The following DCBLD1 variants were observed in gnomAD, a reference collection of about 807,000 sequenced individuals.
DCBLD1 encodes the protein discoidin, CUB and LCCL domain-containing protein 1.
A neutral mutation model predicts 71.5 loss-of-function variants in DCBLD1; 57 were observed. The ratio of observed to expected loss-of-function variants is 0.80; its 90% CI spans 0.64 to 0.99. The LOEUF (loss-of-function observed/expected upper bound fraction) is 0.99. DCBLD1 is among the 50% of genes least tolerant of loss of function. DCBLD1 has a pLI of 0.00. For missense variants in DCBLD1, 891 were observed against 923.5 expected (o/e 0.96, Z 0.46); for synonymous variants, 380 against 363.8 (o/e 1.04, Z -0.51).
chr6:117,501,789 T>C (rs1198855274), intron 1 of DCBLD1, among the ~76,000 whole-genome samples: 1 of 152,204 alleles, frequency 6.6e-6, no homozygotes, highest in Non-Finnish European at 1.5e-5. Flanking sequence ...TTCTTGGCAA[T>C]TTTGTGTTTA....
Position 117,503,799 on chromosome 6 carries a change from G to A in DCBLD1, c.145G>A (p.Asp49Asn). ...DGCGHLVTYQ[D>N]SGTMTSKNYP... is the part of the protein sequence containing the mutation. ...CTGTGGACACCTAGTGACTTATCAG[G>A]ATAGTGGCACAATGACATCTAAGAA... Residue 49 changes from aspartate to asparagine, a missense_variant, in exon 2 of 15, where the codon GAT becomes AAT. By Grantham distance (23) the Asp-to-Asn change is conservative (BLOSUM62 1). Coordinates refer to ENST00000338728, the MANE Select transcript of DCBLD1 (RefSeq NM_001366458.2). 3.7e-6 allele frequency: 6 copies of A among 1,613,986 alleles called. No homozygotes were observed. The highest frequency in any genetic ancestry group is 5.1e-6 in the Non-Finnish European group (6 of 1,179,974).
At chr6:117,515,634 C>T (rs1429581403) in intron 2 of DCBLD1, among the ~76,000 whole-genome samples, 1 of 152,162 alleles carries the variant, frequency 6.6e-6, no homozygotes, top group Admixed American at 6.5e-5. Context: ...TGCAAAAATG[C>T]TTATCATTCT....
intron 2 of DCBLD1, among the ~76,000 whole-genome samples, chr6:117,514,936 A>G (rs1004731997): frequency 1.3e-5 from 2 of 151,726 alleles, no homozygotes; most frequent in Non-Finnish European, 2.9e-5. Context: ...TTTCCTTTCA[A>G]CTGTTTCATA....
chr6:117,524,197 C>A (rs1237872308), intron 4 of DCBLD1, among the ~76,000 whole-genome samples: 1 of 151,436 alleles, frequency 6.6e-6, no homozygotes. Flanking sequence ...AAATTGAATC[C>A]TAATTTTTTT....
At chr6:117,493,203 A>G (rs1777354256) in intron 1 of DCBLD1, among the ~76,000 whole-genome samples, 1 of 152,216 alleles carries the variant, frequency 6.6e-6, no homozygotes, top group South Asian at 2.1e-4. Context: ...GCTACTCAGA[A>G]TATATCTTAC....
chr6:117,500,867 A>T (rs191728004), intron 1 of DCBLD1, among the ~76,000 whole-genome samples: 18 of 152,304 alleles, frequency 1.2e-4, no homozygotes, highest in African/African-American at 3.9e-4. Context: ...CGTCTCAAAA[A>T]AAACAGTGAC....
At chr6:117,568,070 G>C (rs1025068455) in intron 14 of DCBLD1, among the ~76,000 whole-genome samples, 2 of 151,438 alleles carry the variant, frequency 1.3e-5, no homozygotes, top group Non-Finnish European at 2.9e-5. Context: ...ATGGTGGCAG[G>C]CATCTGTAGT....
intron 1 of DCBLD1, among the ~76,000 whole-genome samples, chr6:117,494,220 C>T (rs1401846749): frequency 6.6e-6 from 1 of 152,170 alleles, no homozygotes; most frequent in Non-Finnish European, 1.5e-5. Flanking sequence ...TGAAAGCTCA[C>T]ATCTATGTGC....
intron 14 of DCBLD1, among the ~76,000 whole-genome samples, chr6:117,558,106 A>T (rs997371999): frequency 6.6e-6 from 1 of 152,218 alleles, no homozygotes; most frequent in Admixed American, 6.5e-5. Context: ...GCAGCCATCC[A>T]GATCTCCCCA....
intron 2 of DCBLD1, among the ~76,000 whole-genome samples, chr6:117,517,857 C>T (rs1778254662): frequency 6.6e-6 from 1 of 152,188 alleles, no homozygotes; most frequent in South Asian, 2.1e-4. Context: ...CCCAGGAAAC[C>T]ACTTTTTCCT....
intron 1 of DCBLD1, among the ~76,000 whole-genome samples, chr6:117,502,034 C>T (rs146100791): frequency 1.3e-5 from 2 of 152,148 alleles, no homozygotes; most frequent in East Asian, 3.9e-4. Context: ...TGCCTGTTTT[C>T]TGTTCCCTTC....
Position 117,540,957 on chromosome 6 carries a change from C to G in DCBLD1, c.1289C>G (p.Thr430Ser), listed in dbSNP as rs779439601. ...GTGTGGCGCAAGACAAGTCAAAGCA[C>G]CAGTGTTTCAACTAAGAAAGAAGAT... Reference protein sequence around the residue: ...SLVWRKTSQSTSVSTKKEDET... With the variant: ...SLVWRKTSQSSSVSTKKEDET... Residue 430 changes from threonine (T) to serine (S), a missense_variant, in exon 11 of 15, where the codon ACC becomes AGC. Thr to Ser is a moderately conservative substitution (Grantham distance 58). Transcript: ENST00000338728. 1.9e-6 allele frequency: 3 copies of G among 1,614,198 alleles called. No homozygotes were observed. In the East Asian group the frequency reaches 6.7e-5, roughly 36 times the overall value.
At chr6:117,524,939 A>G (rs1317296976) in intron 4 of DCBLD1, among the ~76,000 whole-genome samples, 1 of 152,108 alleles carries the variant, frequency 6.6e-6, no homozygotes, top group East Asian at 1.9e-4. Context: ...TCACAATCCT[A>G]CTCCCAGAGA....
intron 1 of DCBLD1, among the ~76,000 whole-genome samples, chr6:117,503,250 A>G (rs752401789): frequency 3.2e-4 from 48 of 152,222 alleles, no homozygotes; most frequent in Non-Finnish European, 6.6e-4. Context: ...CATACATTTC[A>G]AATGATTATT....
chr6:117,527,149 G>A (rs1242516716), intron 5 of DCBLD1, among the ~76,000 whole-genome samples: 2 of 152,186 alleles, frequency 1.3e-5, no homozygotes, highest in Admixed American at 1.3e-4. Flanking sequence ...GAGAGTCTTT[G>A]AGCAAAGGGA....
At chr6:117,522,269 G>A (rs1055361374) in intron 4 of DCBLD1, among the ~76,000 whole-genome samples, 5 of 152,160 alleles carry the variant, frequency 3.3e-5, no homozygotes, top group Non-Finnish European at 2.9e-5. Flanking sequence ...TGTCCTGTGC[G>A]TCGTTAGATA....
exon 15 of DCBLD1, chr6:117,569,778 AG>A: frequency 6.6e-7 from 1 of 1,525,858 alleles, no homozygotes; most frequent in Non-Finnish European, 8.8e-7. Context: ...ACTCTTTGTA[AG>A]GTACAGTTAC....
At chr6:117,555,515 C>T (rs1256941478) in intron 14 of DCBLD1, among the ~76,000 whole-genome samples, 1 of 152,122 alleles carries the variant, frequency 6.6e-6, no homozygotes, top group Non-Finnish European at 1.5e-5. Flanking sequence ...CAAAAGGACA[C>T]AAATATCCTT....
chr6:117,488,901 C>T (rs1180565323), intron 1 of DCBLD1, among the ~76,000 whole-genome samples: 10 of 152,120 alleles, frequency 6.6e-5, no homozygotes, highest in Non-Finnish European at 1.2e-4. Context: ...GCCATATTGT[C>T]GTGTATGACT....
Sources: gnomAD v4.1 joint callset for allele counts (sites outside exome capture counted in the v4.1 genomes callset) on GRCh38, gnomAD v4.1.1 for gene constraint, MANE v1.5 for transcripts, NCBI Gene and HGNC (gene_info 2026-07-23, HGNC 2026-07-21) for gene names.